Variants in SUMF1 observed in about 807,000 individuals in gnomAD.
SUMF1 encodes the protein sulfatase modifying factor 1, also known as formylglycine-generating enzyme.
Under a neutral mutation model 47.6 loss-of-function variants are expected in SUMF1, and 48 were observed. That is an observed-to-expected ratio of 1.01 (90% CI 0.80 to 1.28). The LOEUF is 1.28. SUMF1 is among the 50% of genes most tolerant of loss of function. The pLI is 0.00. For missense variants in SUMF1, 571 were observed against 485.4 expected, an observed-to-expected ratio of 1.18 and a Z score of -1.66; for synonymous variants, 230 against 192.1, an observed-to-expected ratio of 1.20 and a Z score of -1.63.
intron 8 of SUMF1, among the ~76,000 whole-genome samples, chr3:4,272,799 T>C (rs1697329377): frequency 6.6e-6 from 1 of 152,106 alleles, no homozygotes; most frequent in Non-Finnish European, 1.5e-5. Context: ...ATGGGCCAAG[T>C]ACTGTGGCTC....
chr3:4,376,500 TC>T (rs1700335026), intron 7 of SUMF1, 111 bp from the exon 8 acceptor site: 1 of 1,091,544 alleles, frequency 9.2e-7, no homozygotes, highest in Non-Finnish European at 1.4e-6. Context: ...GCCTAAACTC[TC>T]CACATGCATT....
intron 8 of SUMF1, among the ~76,000 whole-genome samples, chr3:4,072,565 C>T (rs1695555459): frequency 6.6e-6 from 1 of 152,104 alleles, no homozygotes; most frequent in Non-Finnish European, 1.5e-5. Flanking sequence ...TAAACCATCT[C>T]AAGGAAGCTA....
intron 8 of SUMF1, among the ~76,000 whole-genome samples, chr3:4,157,839 G>A (rs550253589): frequency 1.5e-4 from 23 of 151,344 alleles, no homozygotes; most frequent in Non-Finnish European, 2.8e-4. Context: ...CCCTGTCACC[G>A]AGTTAAAAAC....
At chr3:4,177,408 T>A (rs1012778555) in intron 8 of SUMF1, among the ~76,000 whole-genome samples, 1 of 152,054 alleles carries the variant, frequency 6.6e-6, no homozygotes, top group Non-Finnish European at 1.5e-5. Context: ...CACAACTACA[T>A]GGAAATTGAA....
At chr3:4,465,030 C>T (rs949087638) in intron 1 of SUMF1, among the ~76,000 whole-genome samples, 7 of 152,170 alleles carry the variant, frequency 4.6e-5, no homozygotes, top group African/African-American at 1.7e-4. Flanking sequence ...TTCTGGAACC[C>T]AGAGGAAAAT....
Position 4,466,980 on chromosome 3 carries a change from G to A in SUMF1, c.266C>T (p.Ser89Leu). The change falls in exon 1 of 9, where the codon TCA becomes TTA. Residue 89 changes from serine to leucine, a missense_variant. Transcript: ENST00000272902. ...PVPGERQLAHSKMVPIPAGVF... is the reference protein window; with the variant it reads ...PVPGERQLAHLKMVPIPAGVF... Reference sequence around the variant, plus strand: ...TCGGAGGAATCGATGGAGCACCTTTGAGTGCGCGAGTTGCCGCTCTCCGGG... The same window carrying A: ...TCGGAGGAATCGATGGAGCACCTTTAAGTGCGCGAGTTGCCGCTCTCCGGG... 1 of 1,604,054 alleles carries A rather than the reference G, an allele frequency of 6.2e-7. No homozygotes were observed. The highest frequency in any genetic ancestry group is 8.5e-7 in the Non-Finnish European group (1 of 1,176,902).
At chr3:4,184,700 G>C (rs1005200689) in intron 8 of SUMF1, among the ~76,000 whole-genome samples, 1 of 149,602 alleles carries the variant, frequency 6.7e-6, no homozygotes, top group Non-Finnish European at 1.5e-5. Context: ...CCAGGCTAGA[G>C]TATAGTGGTG....
intron 8 of SUMF1, among the ~76,000 whole-genome samples, chr3:4,284,806 G>A (rs1339665959): frequency 6.6e-6 from 1 of 152,008 alleles, no homozygotes; most frequent in African/African-American, 2.4e-5. Context: ...ATTATCTGTG[G>A]TGCTTGTAAA....
intron 8 of SUMF1, among the ~76,000 whole-genome samples, chr3:4,253,681 G>A (rs1376100149): frequency 6.6e-6 from 1 of 151,408 alleles, no homozygotes; most frequent in African/African-American, 2.4e-5. Context: ...AGCGAGGCTG[G>A]GGGAGGGGCG....
At chr3:4,161,032 G>C (rs566988326) in intron 8 of SUMF1, among the ~76,000 whole-genome samples, 1 of 152,248 alleles carries the variant, frequency 6.6e-6, no homozygotes, top group South Asian at 2.1e-4. Context: ...CATTGCAGCT[G>C]TATCTGCTTC....
At chr3:4,317,897 C>T (rs540738135) in intron 8 of SUMF1, among the ~76,000 whole-genome samples, 32 of 152,192 alleles carry the variant, frequency 2.1e-4, no homozygotes, top group Middle Eastern at 3.4e-3. Flanking sequence ...GGATGTGACC[C>T]AAAGTTCTCC....
At position 4,039,239 on chromosome 3, in the gene SUMF1, T is replaced by C. The variant is rs1234562511; in HGVS notation, c.1191+29330A>G. ...TTTTTTTTTTTTTTTTTTTTTATTA[T>C]ACTCTAAGTTTTAGGGTACATGTGC... On this transcript the variant is annotated intron_variant and NMD_transcript_variant, in intron 9 of 12. Coordinates refer to the SUMF1 transcript ENST00000448413. Among the ~76,000 whole-genome samples the C allele has an allele frequency of 1.8e-3, 201 of 112,656 alleles. 1 individual carries two copies. The highest frequency in any genetic ancestry group is 6.2e-3 in the African/African-American group (187 of 30,114). The allele number at this position is 112,656 out of a possible 152,430, so 73.9% of individuals were successfully genotyped here.
At chr3:4,449,216 T>C (rs759185726) in intron 3 of SUMF1, 50 bp downstream of exon 3, 17 of 1,604,576 alleles carry the variant, frequency 1.1e-5, no homozygotes, top group Non-Finnish European at 1.5e-5. Context: ...ACCCAAACCC[T>C]TTTCAATGAG....
intron 8 of SUMF1, among the ~76,000 whole-genome samples, chr3:4,242,330 G>C (rs1439450110): frequency 6.6e-6 from 1 of 152,160 alleles, no homozygotes; most frequent in East Asian, 1.9e-4. Flanking sequence ...GGAGTGGTGA[G>C]AGAGGGCAAC....
At chr3:4,235,150 G>A (rs996605650) in intron 8 of SUMF1, among the ~76,000 whole-genome samples, 1 of 152,098 alleles carries the variant, frequency 6.6e-6, no homozygotes. Flanking sequence ...TAGAGACAAA[G>A]GAAAGTGGAT....
chr3:4,367,050 A>G (rs1470766183), intron 8 of SUMF1, among the ~76,000 whole-genome samples: 1 of 152,144 alleles, frequency 6.6e-6, no homozygotes, highest in African/African-American at 2.4e-5. Context: ...TGAACCGCGA[A>G]TGCTGCTGTC....
chr3:4,154,087 C>G (rs1694399653), intron 8 of SUMF1, among the ~76,000 whole-genome samples: 1 of 151,444 alleles, frequency 6.6e-6, no homozygotes, highest in Non-Finnish European at 1.5e-5. Flanking sequence ...TGGCATGGCA[C>G]CAAACCTAGA....
Position 4,135,454 on chromosome 3 carries a change from G to A in SUMF1, c.1015-66709C>T, listed in dbSNP as rs564218940. 4.1e-4 allele frequency among the ~76,000 whole-genome samples: 62 copies of A among 149,448 alleles called. 1 individual carries two copies. Among genetic ancestry groups the A allele is most frequent in the African/African-American group, 1.3e-3 (54 of 41,374 alleles). ...CATGCTAAAAACTCTCAATAAATTA[G>A]GTATTGATGGGATGTATCTCAAAAT... On this transcript the variant is annotated intron_variant and NMD_transcript_variant, in intron 8 of 12. Coordinates refer to the SUMF1 transcript ENST00000448413.
intron 1 of SUMF1, among the ~76,000 whole-genome samples, chr3:4,456,062 A>G (rs552191541): frequency 6.6e-6 from 1 of 152,346 alleles, no homozygotes; most frequent in African/African-American, 2.4e-5. Context: ...TCAAAGGATG[A>G]TTCAACATAT....
Sources: allele counts gnomAD v4.1 joint callset (sites outside exome capture counted in the v4.1 genomes callset), GRCh38; gene constraint gnomAD v4.1.1; transcripts MANE v1.5; gene names NCBI Gene and HGNC (gene_info 2026-07-23, HGNC 2026-07-21).